AK9: variants seen among roughly 807,000 people sequenced by gnomAD.
The protein encoded by AK9 is adenylate kinase 9.
A neutral mutation model predicts 239.6 loss-of-function variants in AK9; 191 were observed. That is an observed-to-expected ratio of 0.80 (90% CI 0.71 to 0.90). The LOEUF is 0.90. Among genes scored for constraint, AK9 ranks in the 40% least tolerant of loss-of-function variants. The probability of loss-of-function intolerance (pLI) is 0.00; values close to 1 mark genes in which losing one functional copy is unlikely to be tolerated. For missense variants in AK9, 1,995 were observed against 2,214.7 expected, an observed-to-expected ratio of 0.90 and a Z score of 1.99; for synonymous variants, 689 against 721.0, an observed-to-expected ratio of 0.96 and a Z score of 0.71.
Position 109,497,857 on chromosome 6 carries a change from A to G in AK9, c.5155T>C (p.Phe1719Leu). The change falls in exon 37 of 41, where the codon TTC (phenylalanine) becomes CTC (leucine). Residue 1719 changes from phenylalanine (F) to leucine (L), a missense_variant. Phe to Leu is a conservative substitution (Grantham distance 22). Coordinates refer to ENST00000424296, the MANE Select transcript of AK9 (RefSeq NM_001145128.3). The part of the protein sequence containing the change: ...RLTLSELKSR[F>L]PKCAELQGYC... ...CCCTGGAGCTCCGCACACTTAGGGA[A>G]TCGACTCTTCAGCTCTGACAGTGTC... 6.2e-7 allele frequency: 1 copy of G among 1,613,890 alleles called. No homozygotes were observed. The highest frequency in any genetic ancestry group is 8.5e-7 in the Non-Finnish European group (1 of 1,179,824).
intron 17 of AK9, among the ~76,000 whole-genome samples, chr6:109,599,091 A>T (rs1258424485): frequency 7.9e-5 from 12 of 152,248 alleles, no homozygotes; most frequent in African/African-American, 2.6e-4. Flanking sequence ...AGATTCCATT[A>T]GTCAATTTTG....
intron 20 of AK9, 80 bp downstream of exon 20, chr6:109,579,470 C>T (rs1040181392): frequency 2.0e-5 from 27 of 1,360,030 alleles, no homozygotes; most frequent in Non-Finnish European, 2.7e-5. Flanking sequence ...ATCACCCAGT[C>T]TATAATTCAC....
At chr6:109,647,617 T>TA (rs1187144077) in intron 8 of AK9, among the ~76,000 whole-genome samples, 7 of 152,116 alleles carry the variant, frequency 4.6e-5, no homozygotes, top group Admixed American at 4.6e-4. Context: ...CAAAGAAACT[T>TA]AGACTCCCAC....
At chr6:109,562,906 G>A (rs1189101638) in intron 24 of AK9, among the ~76,000 whole-genome samples, 1 of 152,160 alleles carries the variant, frequency 6.6e-6, no homozygotes, top group Non-Finnish European at 1.5e-5. Context: ...GAGGATGGAT[G>A]ATGAAAGAAA....
At chr6:109,650,438 C>T (rs1366642497) in intron 8 of AK9, among the ~76,000 whole-genome samples, 2 of 152,026 alleles carry the variant, frequency 1.3e-5, no homozygotes, top group Non-Finnish European at 2.9e-5. Flanking sequence ...ACAGACACTT[C>T]TCAAAAGAAG....
At chr6:109,652,197 T>G (rs1799065224) in intron 8 of AK9, among the ~76,000 whole-genome samples, 4 of 152,164 alleles carry the variant, frequency 2.6e-5, no homozygotes, top group Admixed American at 2.6e-4. Context: ...ATCAAAAAGC[T>G]TATCCACCAC....
chr6:109,633,962 C>T (rs1337849913), intron 10 of AK9, among the ~76,000 whole-genome samples: 2 of 152,076 alleles, frequency 1.3e-5, no homozygotes, highest in Non-Finnish European at 2.9e-5. Context: ...GCTTACTTAA[C>T]CATATGATAG....
intron 5 of AK9, among the ~76,000 whole-genome samples, chr6:109,671,222 TAAGAA>T (rs1212746749): frequency 6.6e-6 from 1 of 152,216 alleles, no homozygotes; most frequent in African/African-American, 2.4e-5. Flanking sequence ...TCTAACTTAC[TAAGAA>T]TATAAAACAA....
intron 17 of AK9, among the ~76,000 whole-genome samples, chr6:109,587,853 T>C (rs903523873): frequency 1.3e-5 from 2 of 152,130 alleles, no homozygotes; most frequent in Non-Finnish European, 1.5e-5. Flanking sequence ...TTTTAGTTCT[T>C]TGAGAAATCT....
chr6:109,516,362 C>G (rs961370503), intron 30 of AK9, 68 bp downstream of exon 30: 1 of 1,353,760 alleles, frequency 7.4e-7, no homozygotes, highest in Admixed American at 2.2e-5. Context: ...ATGGCATGAA[C>G]TAAATTGCTT....
intron 29 of AK9, chr6:109,528,083 G>A (rs758193768): frequency 5.8e-6 from 1 of 172,208 alleles, no homozygotes; most frequent in Non-Finnish European, 1.3e-5. Flanking sequence ...AGGCACTGGA[G>A]AGCAGTGAAC....
At chr6:109,519,774 C>CAAAAAAAAAAAAA in intron 29 of AK9, among the ~76,000 whole-genome samples, 1 of 143,642 alleles carries the variant, frequency 7.0e-6, no homozygotes. Context: ...CATCCTGTCT[C>CAAAAAAAAAAAAA]AAAAAAAAAA....
intron 24 of AK9, among the ~76,000 whole-genome samples, chr6:109,552,579 G>A (rs1051921804): frequency 2.0e-5 from 3 of 152,146 alleles, no homozygotes; most frequent in Non-Finnish European, 4.4e-5. Flanking sequence ...ATATGTTTAA[G>A]TTCAACATAA....
chr6:109,501,775 C>A (rs1265141807), intron 35 of AK9, among the ~76,000 whole-genome samples: 1 of 152,176 alleles, frequency 6.6e-6, no homozygotes. Flanking sequence ...GGCTACCAGC[C>A]ATGAATGAAT....
At chr6:109,651,821 C>T (rs1036244909) in intron 8 of AK9, among the ~76,000 whole-genome samples, 1 of 152,050 alleles carries the variant, frequency 6.6e-6, no homozygotes, top group Non-Finnish European at 1.5e-5. Flanking sequence ...GGATAAATTC[C>T]TGGACATATA....
Position 109,563,691 on chromosome 6 carries a change from C to A in AK9, c.2657G>T (p.Trp886Leu). The stretch of plus-strand genomic sequence containing the variant: ...CTCATAATCTTCCCCAGTTAACTCC[C>A]ATGCAGTATATTGAAATGGTTCTGG... ...TMEKPFQYTAWELTGEDYEEE... is the reference protein window; with the variant it reads ...TMEKPFQYTALELTGEDYEEE... The change falls in exon 24 of 41, where the codon TGG (tryptophan) becomes TTG (leucine). Residue 886 changes from tryptophan (W) to leucine (L), a missense_variant. By Grantham distance (61) the Trp-to-Leu change is moderately conservative. Coordinates refer to ENST00000424296, the MANE Select transcript of AK9 (RefSeq NM_001145128.3). 6.4e-7 allele frequency: 1 copy of A among 1,550,528 alleles called. No individual in the cohort carries two copies. Among genetic ancestry groups the A allele is most frequent in the Non-Finnish European group, 8.7e-7 (1 of 1,146,050 alleles).
chr6:109,545,763 A>G, intron 26 of AK9, 104 bp downstream of exon 26: 3 of 1,387,136 alleles, frequency 2.2e-6, no homozygotes, highest in Non-Finnish European at 2.9e-6. Context: ...TGATTGTGCC[A>G]CTGCCTTCCT....
chr6:109,577,569 T>C (rs1460544349), intron 20 of AK9, among the ~76,000 whole-genome samples: 2 of 152,198 alleles, frequency 1.3e-5, no homozygotes. Context: ...TACCAATTCT[T>C]TGAATACCTG....
At chr6:109,635,539 C>T (rs1796612408) in intron 10 of AK9, among the ~76,000 whole-genome samples, 1 of 152,188 alleles carries the variant, frequency 6.6e-6, no homozygotes, top group African/African-American at 2.4e-5. Flanking sequence ...TCTGGAGCCA[C>T]TTAACCAGAG....
Sources: gnomAD v4.1 joint callset for allele counts (sites outside exome capture counted in the v4.1 genomes callset) on GRCh38, gnomAD v4.1.1 for gene constraint, MANE v1.5 for transcripts, NCBI Gene and HGNC (gene_info 2026-07-23, HGNC 2026-07-21) for gene names.